MPP7: variants seen among roughly 807,000 people sequenced by gnomAD.
MPP7 encodes MAGUK p55 subfamily member 7.
In MPP7, 60 loss-of-function variants were observed where a neutral mutation model predicts 76.5. The observed-to-expected ratio is 0.78, with a 90% CI of 0.64 to 0.97. The LOEUF (loss-of-function observed/expected upper bound fraction) is 0.97, where lower values mean the gene tolerates loss of function less well. Ranked by LOEUF, MPP7 falls within the 50% of genes least tolerant of loss-of-function variation. The pLI is 0.00. For missense variants in MPP7, 641 were observed against 694.0 expected (o/e 0.92, Z 0.86); for synonymous variants, 237 against 244.5 (o/e 0.97, Z 0.29).
chr10:28,233,165 G>A (rs574984284), intron 2 of MPP7, among the ~76,000 whole-genome samples: 17 of 152,180 alleles, frequency 1.1e-4, no homozygotes, highest in Non-Finnish European at 1.6e-4. Context: ...ACGTACACTG[G>A]GACTGAACAA....
intron 1 of MPP7, among the ~76,000 whole-genome samples, chr10:28,282,377 G>A (rs1341929214): frequency 6.6e-6 from 1 of 152,070 alleles, no homozygotes; most frequent in Admixed American, 6.5e-5. Flanking sequence ...GCTTACAGCT[G>A]GCTTTGGAGG....
intron 3 of MPP7, among the ~76,000 whole-genome samples, chr10:28,186,219 G>A (rs139746474): frequency 2.0e-5 from 3 of 152,118 alleles, no homozygotes; most frequent in Admixed American, 6.5e-5. Context: ...GGTGGCAGGC[G>A]CCTGTAGTCC....
chr10:28,167,153 A>G (rs1836500278), intron 3 of MPP7, among the ~76,000 whole-genome samples: 1 of 152,036 alleles, frequency 6.6e-6, no homozygotes, highest in African/African-American at 2.4e-5. Flanking sequence ...TCTACTAAAA[A>G]TACAAAAATT....
intron 10 of MPP7, 148 bp downstream of exon 10, chr10:28,120,046 T>C: frequency 1.2e-6 from 1 of 825,686 alleles, no homozygotes; most frequent in African/African-American, 1.7e-5. Context: ...CATACTTAGT[T>C]AGACAAAACA....
intron 12 of MPP7, among the ~76,000 whole-genome samples, chr10:28,079,465 C>T (rs2133400310): frequency 6.6e-6 from 1 of 151,882 alleles, no homozygotes; most frequent in East Asian, 1.9e-4. Context: ...CCAGCCTGGG[C>T]AACATAGCAA....
intron 3 of MPP7, among the ~76,000 whole-genome samples, chr10:28,195,259 T>C (rs1041178478): frequency 2.6e-5 from 4 of 152,148 alleles, no homozygotes; most frequent in Non-Finnish European, 5.9e-5. Flanking sequence ...TTGGTGAAGA[T>C]ACAGACAAAT....
intron 2 of MPP7, among the ~76,000 whole-genome samples, chr10:28,325,994 AAATTC>A (rs1564773339): frequency 1.3e-5 from 2 of 151,662 alleles, no homozygotes; most frequent in African/African-American, 2.4e-5. Context: ...AAAAAAAAAA[AAATTC>A]CTTAAAGAGA....
intron 5 of MPP7, among the ~76,000 whole-genome samples, chr10:28,136,924 C>A (rs1043924456): frequency 6.6e-6 from 1 of 152,010 alleles, no homozygotes; most frequent in African/African-American, 2.4e-5. Context: ...GGGGCAGTTG[C>A]TGGAAACTAT....
At chr10:28,123,603 G>C (rs914936927) in intron 8 of MPP7, among the ~76,000 whole-genome samples, 7 of 151,418 alleles carry the variant, frequency 4.6e-5, no homozygotes, top group African/African-American at 1.7e-4. Flanking sequence ...CAAGTAGCTA[G>C]GACTACAGGT....
chr10:28,323,793 C>T (rs1834387649), intron 2 of MPP7, among the ~76,000 whole-genome samples: 1 of 152,152 alleles, frequency 6.6e-6, no homozygotes, highest in Non-Finnish European at 1.5e-5. Flanking sequence ...ACTGATGGAG[C>T]TTGATGGTTT....
chr10:28,059,102 G>T (rs1378099555), intron 14 of MPP7, among the ~76,000 whole-genome samples: 2 of 152,158 alleles, frequency 1.3e-5, no homozygotes, highest in Non-Finnish European at 2.9e-5. Context: ...CCACAATCCT[G>T]CATTAAAACA....
chr10:28,277,067 G>A (rs1589019773), intron 1 of MPP7, among the ~76,000 whole-genome samples: 1 of 151,786 alleles, frequency 6.6e-6, no homozygotes, highest in Non-Finnish European at 1.5e-5. Context: ...GGTGACACAC[G>A]TCTGTGCTCC....
chr10:28,075,228 C>T (rs562394761), intron 12 of MPP7, among the ~76,000 whole-genome samples: 7 of 152,116 alleles, frequency 4.6e-5, no homozygotes, highest in Non-Finnish European at 1.0e-4. Context: ...GGCCCCACCT[C>T]CGACACTGGG....
At chr10:28,280,621 A>T (rs959754262) in intron 1 of MPP7, among the ~76,000 whole-genome samples, 4 of 152,084 alleles carry the variant, frequency 2.6e-5, no homozygotes, top group Non-Finnish European at 5.9e-5. Flanking sequence ...CATAAAAAAA[A>T]TGGTGTGATT....
chr10:28,134,608 A>C (rs2133695158), intron 5 of MPP7, among the ~76,000 whole-genome samples: 1 of 152,292 alleles, frequency 6.6e-6, no homozygotes, highest in East Asian at 1.9e-4. Flanking sequence ...AAGATGATAA[A>C]ATACCTGAGA....
intron 2 of MPP7, among the ~76,000 whole-genome samples, chr10:28,320,405 A>ATTT (rs11369879): frequency 6.6e-5 from 10 of 150,424 alleles, no homozygotes; most frequent in African/African-American, 2.2e-4. Context: ...GTTACTGAAG[A>ATTT]TTTTTTTTTT....
At chr10:28,220,340 C>CT (rs1564711470) in intron 2 of MPP7, among the ~76,000 whole-genome samples, 1 of 152,126 alleles carries the variant, frequency 6.6e-6, no homozygotes, top group African/African-American at 2.4e-5. Flanking sequence ...AAAATTACTT[C>CT]TAAAGCTCAT....
chr10:28,126,381 T>G (rs925740283), intron 6 of MPP7, among the ~76,000 whole-genome samples: 1 of 152,244 alleles, frequency 6.6e-6, no homozygotes, highest in Non-Finnish European at 1.5e-5. Flanking sequence ...TTTTCCTTAA[T>G]GACATGTCTC....
At chr10:28,269,686 C>A (rs1255955416) in intron 1 of MPP7, among the ~76,000 whole-genome samples, 4 of 151,716 alleles carry the variant, frequency 2.6e-5, no homozygotes, top group African/African-American at 9.7e-5. Flanking sequence ...ACCACCACAC[C>A]CAGCTAATTT....
Sources: allele counts gnomAD v4.1 joint callset (sites outside exome capture counted in the v4.1 genomes callset), GRCh38; gene constraint gnomAD v4.1.1; transcripts MANE v1.5; gene names NCBI Gene and HGNC (gene_info 2026-07-23, HGNC 2026-07-21).